SPATS2L: variants seen among roughly 807,000 people sequenced by gnomAD.
The protein encoded by SPATS2L is SPATS2-like protein.
SPATS2L carries 30 observed loss-of-function variants against 59.6 expected under a neutral mutation model. That is an observed-to-expected ratio of 0.50 (90% CI 0.38 to 0.68). The LOEUF is 0.68. Among genes scored for constraint, SPATS2L ranks in the 30% least tolerant of loss-of-function variants. The pLI, the probability that SPATS2L is intolerant of heterozygous loss-of-function variation, is 0.00. For missense variants in SPATS2L, 615 were observed against 700.0 expected (o/e 0.88, Z 1.37); for synonymous variants, 252 against 263.5 (o/e 0.96, Z 0.42).
At chr2:200,336,482 A>G (rs2080146973) in intron 2 of SPATS2L, among the ~76,000 whole-genome samples, 1 of 152,222 alleles carries the variant, frequency 6.6e-6, no homozygotes, top group Non-Finnish European at 1.5e-5. Flanking sequence ...AAGGCTACTT[A>G]CTGCTCATAG....
intron 6 of SPATS2L, among the ~76,000 whole-genome samples, chr2:200,422,168 G>A (rs1437796249): frequency 1.3e-5 from 2 of 152,166 alleles, no homozygotes; most frequent in East Asian, 1.9e-4. Context: ...TAGCATGAAG[G>A]CATTGAGGTG....
intron 1 of SPATS2L, among the ~76,000 whole-genome samples, chr2:200,317,158 AG>A (rs2079408237): frequency 6.6e-6 from 1 of 152,236 alleles, no homozygotes; most frequent in Non-Finnish European, 1.5e-5. Flanking sequence ...AATATGTGAA[AG>A]CCTACGTTAT....
At chr2:200,469,546 TCTTGATGGTTAATAC>T (rs2086869397) in intron 10 of SPATS2L, among the ~76,000 whole-genome samples, 1 of 146,660 alleles carries the variant, frequency 6.8e-6, no homozygotes, top group African/African-American at 2.7e-5. Flanking sequence ...ACATGTTTTC[TCTTGATGGTTAATAC>T]CTTAGAAGGC....
chr2:200,427,282 A>G (rs1344476809), intron 6 of SPATS2L, among the ~76,000 whole-genome samples: 3 of 152,048 alleles, frequency 2.0e-5, no homozygotes, highest in Non-Finnish European at 4.4e-5. Flanking sequence ...ATTATTATGC[A>G]TTGTATACCT....
At chr2:200,371,977 G>T (rs1055724072) in intron 2 of SPATS2L, 3 of 963,266 alleles carry the variant, frequency 3.1e-6, no homozygotes, top group Non-Finnish European at 3.7e-6. Flanking sequence ...GGCCCTGCCT[G>T]CAGGAAGAAA....
chr2:200,335,563 A>T (rs1461525309), intron 2 of SPATS2L, among the ~76,000 whole-genome samples: 1 of 152,224 alleles, frequency 6.6e-6, no homozygotes, highest in African/African-American at 2.4e-5. Flanking sequence ...GTAATAATTT[A>T]AAAAGTTAAA....
intron 2 of SPATS2L, among the ~76,000 whole-genome samples, chr2:200,360,597 C>G (rs2081063585): frequency 1.3e-5 from 2 of 152,158 alleles, no homozygotes; most frequent in East Asian, 3.9e-4. Context: ...TTTATTCTTT[C>G]AAATGAACCT....
At chr2:200,443,170 A>G (rs2084812448) in intron 8 of SPATS2L, among the ~76,000 whole-genome samples, 2 of 152,180 alleles carry the variant, frequency 1.3e-5, no homozygotes, top group South Asian at 2.1e-4. Flanking sequence ...CTCTGTTCCA[A>G]ATGAGCTTGC....
chr2:200,423,757 T>C (rs1039946817), intron 6 of SPATS2L, among the ~76,000 whole-genome samples: 3 of 152,206 alleles, frequency 2.0e-5, no homozygotes, highest in Non-Finnish European at 4.4e-5. Flanking sequence ...ATAATGAAAC[T>C]AGCTCAACAA....
In SPATS2L at chr2:200,477,780, C is replaced by T. The variant is rs773298087; in HGVS notation, c.1426C>T (p.His476Tyr). The part of the protein sequence containing the change: ...NSRHEHRRQP[H>Y]NGFRPKNKGG... ...CCGCCACGAACACAGAAGACAGCCG[C>T]ACAACGGCTTCCGGCCCAAAAACAA... Residue 476 changes from histidine to tyrosine, a missense_variant, in exon 13 of 13, where the codon CAC becomes TAC. Coordinates refer to ENST00000409140, the MANE Select transcript of SPATS2L (RefSeq NM_001100423.2). The T allele has an allele frequency of 2.7e-5, 42 of 1,579,584 alleles. No homozygotes were observed. Among genetic ancestry groups the T allele is most frequent in the Non-Finnish European group, 3.6e-5 (42 of 1,162,510 alleles).
intron 9 of SPATS2L, among the ~76,000 whole-genome samples, chr2:200,460,176 T>C (rs1463455031): frequency 2.0e-5 from 3 of 152,216 alleles, no homozygotes; most frequent in Non-Finnish European, 4.4e-5. Flanking sequence ...GAATTTAGTA[T>C]TAGATTTTAA....
In SPATS2L at chr2:200,411,173, G is replaced by A. The variant is rs936414324; in HGVS notation, c.40-1138G>A. Among the ~76,000 whole-genome samples, 6 of 152,014 alleles carry A rather than the reference G, an allele frequency of 3.9e-5. 1 individual carries two copies. Among genetic ancestry groups the A allele is most frequent in the South Asian group, 2.1e-4 (1 of 4,816 alleles). On this transcript the variant is annotated intron_variant, in intron 3 of 12. Coordinates refer to ENST00000409140, the MANE Select transcript of SPATS2L (RefSeq NM_001100423.2). ...CCCACCCATGGCTTGTGCTGGGTGGGTACATGACAGTAGCTTGTGCTGTTG... is the reference window on the plus strand; with the variant it reads ...CCCACCCATGGCTTGTGCTGGGTGGATACATGACAGTAGCTTGTGCTGTTG...
At chr2:200,459,938 G>A in intron 9 of SPATS2L, 111 bp downstream of exon 9, 1 of 820,988 alleles carries the variant, frequency 1.2e-6, no homozygotes, top group South Asian at 1.8e-5. Context: ...AATTTATATT[G>A]AAATTTTGGC....
chr2:200,411,032 C>CAT (rs897056886), intron 3 of SPATS2L, among the ~76,000 whole-genome samples: 30 of 145,658 alleles, frequency 2.1e-4, no homozygotes, highest in African/African-American at 3.6e-4. Flanking sequence ...TATATATATA[C>CAT]ATATATATAT....
At chr2:200,473,462 GT>G (rs1559167186) in intron 12 of SPATS2L, among the ~76,000 whole-genome samples, 1 of 152,196 alleles carries the variant, frequency 6.6e-6, no homozygotes, top group African/African-American at 2.4e-5. Flanking sequence ...TCTGGCATTT[GT>G]TTTTTAAGAT....
chr2:200,364,208 T>A (rs2081196195), intron 2 of SPATS2L, among the ~76,000 whole-genome samples: 1 of 152,188 alleles, frequency 6.6e-6, no homozygotes, highest in Non-Finnish European at 1.5e-5. Flanking sequence ...GACTTCTGAC[T>A]TACAAAACTG....
intron 2 of SPATS2L, among the ~76,000 whole-genome samples, chr2:200,385,655 G>A (rs1037274540): frequency 1.3e-5 from 2 of 152,020 alleles, no homozygotes; most frequent in African/African-American, 4.8e-5. Context: ...TTTGTCCTTA[G>A]CAGTAGAACC....
intron 6 of SPATS2L, among the ~76,000 whole-genome samples, chr2:200,425,643 A>G (rs1049986026): frequency 6.6e-6 from 1 of 152,198 alleles, no homozygotes; most frequent in African/African-American, 2.4e-5. Context: ...GAATCGGGTA[A>G]ACCCTCTTAT....
chr2:200,344,392 A>C (rs2080439094), intron 2 of SPATS2L, among the ~76,000 whole-genome samples: 1 of 152,184 alleles, frequency 6.6e-6, no homozygotes, highest in Non-Finnish European at 1.5e-5. Context: ...TACACAAAAG[A>C]CATGATTTTG....
Sources: gnomAD v4.1 joint callset for allele counts (sites outside exome capture counted in the v4.1 genomes callset) on GRCh38, gnomAD v4.1.1 for gene constraint, MANE v1.5 for transcripts, NCBI Gene and HGNC (gene_info 2026-07-23, HGNC 2026-07-21) for gene names.